The following JCAD variants were observed in gnomAD, a reference collection of about 807,000 sequenced individuals.
The protein encoded by JCAD is junctional cadherin 5 associated.
JCAD carries 40 observed loss-of-function variants against 98.0 expected under a neutral mutation model. The ratio of observed to expected loss-of-function variants is 0.41; its 90% CI spans 0.32 to 0.53. The LOEUF is 0.53. Among genes scored for constraint, JCAD ranks in the 20% least tolerant of loss-of-function variants. JCAD has a pLI of 0.31. For missense variants in JCAD, 1,705 were observed against 1,738.1 expected (o/e 0.98, Z 0.34); for synonymous variants, 691 against 682.3 (o/e 1.01, Z -0.20).
At chr10:30,073,677 C>G (rs77861160) in intron 1 of JCAD, among the ~76,000 whole-genome samples, 48 of 38,762 alleles carry the variant, frequency 1.2e-3, no homozygotes, top group Admixed American at 2.0e-3. Flanking sequence ...TTCCTTCCTT[C>G]CTTGCTTCCT....
intron 1 of JCAD, among the ~76,000 whole-genome samples, chr10:30,071,996 A>T (rs1274319448): frequency 6.6e-6 from 1 of 152,230 alleles, no homozygotes; most frequent in African/African-American, 2.4e-5. Context: ...TTATAATATT[A>T]ACCTCAGGAA....
chr10:30,092,590 C>T (rs1054061096), intron 1 of JCAD, among the ~76,000 whole-genome samples: 1 of 152,156 alleles, frequency 6.6e-6, no homozygotes. Context: ...GCAGCCCACA[C>T]GATGAGTCGC....
intron 3 of JCAD, among the ~76,000 whole-genome samples, chr10:30,022,616 T>G (rs537127204): frequency 6.6e-6 from 1 of 152,124 alleles, no homozygotes; most frequent in African/African-American, 2.4e-5. Flanking sequence ...CTGGTGACCA[T>G]CACATGAAAG....
upstream of JCAD, among the ~76,000 whole-genome samples, chr10:30,060,202 T>G (rs1478635780): frequency 2.0e-5 from 3 of 152,104 alleles, no homozygotes; most frequent in East Asian, 5.8e-4. Flanking sequence ...AGCTTGGGAT[T>G]TACTTCTTTC....
In JCAD at chr10:30,027,135, T is replaced by C; in HGVS notation, c.3013A>G (p.Ile1005Val). The C allele has an allele frequency of 6.2e-7, 1 of 1,614,166 alleles. No individual in the cohort carries two copies. The highest frequency in any genetic ancestry group is 8.5e-7 in the Non-Finnish European group (1 of 1,180,012). Reference protein sequence around the residue: ...EPREPQESPKITSAFSSVKPS... With the variant: ...EPREPQESPKVTSAFSSVKPS... ...TTCACAGAGCTGAAAGCACTGGTGA[T>C]TTTCGGACTTTCCTGGGGCTCCCTA... Residue 1005 changes from isoleucine (I) to valine (V), a missense_variant, in exon 3 of 4, where the codon ATC (isoleucine) becomes GTC (valine). By Grantham distance (29) the Ile-to-Val change is conservative. Around this residue, in one of 3 missense-constraint regions of JCAD, gnomAD observed 1,278 missense variants for 1,243.1 expected, o/e 1.03. Coordinates refer to ENST00000375377, the MANE Select transcript of JCAD (RefSeq NM_020848.4).
chr10:30,029,011 C>T lies in JCAD; in HGVS notation c.1137G>A (p.Lys379=), dbSNP rs1349281978. The T allele has an allele frequency of 6.2e-7, 1 of 1,614,092 alleles. No homozygotes were observed. Among genetic ancestry groups the T allele is most frequent in the Non-Finnish European group, 8.5e-7 (1 of 1,180,028 alleles). Reference sequence around the variant, plus strand: ...AAGGAGGCTGACCGCTGGCCCCAGCCTTCTCGGTCGGAGACTGCTGTTGAC... The same window carrying T: ...AAGGAGGCTGACCGCTGGCCCCAGCTTTCTCGGTCGGAGACTGCTGTTGAC... ...GHSQQQSPTE[K]AGASGQPPSG... Residue 379 remains lysine, a synonymous_variant, in exon 3 of 4, where the codon AAG becomes AAA. Coordinates refer to ENST00000375377, the MANE Select transcript of JCAD (RefSeq NM_020848.4).
In JCAD at chr10:30,029,469, C is replaced by T; in HGVS notation, c.679G>A (p.Gly227Arg). 1 of 1,614,152 alleles carries T rather than the reference C, an allele frequency of 6.2e-7. No homozygotes were observed. Among genetic ancestry groups the T allele is most frequent in the South Asian group, 1.1e-5 (1 of 91,066 alleles). ...ACTCTAGGCAGTGAGCGAGACTTCC[C>T]TTTGTTTTGAGAATTCAACACATGT... The part of the protein sequence containing the change: ...GEHVLNSQNK[G>R]KSRSLPRVLS... The change falls in exon 3 of 4, where the codon GGG becomes AGG. Residue 227 changes from glycine (G) to arginine (R), a missense_variant. Gly to Arg is a moderately radical substitution (Grantham distance 125, BLOSUM62 -2). Around this residue, in one of 3 missense-constraint regions of JCAD, gnomAD observed 275 missense variants for 346.9 expected, o/e 0.79. Coordinates refer to ENST00000375377, the MANE Select transcript of JCAD (RefSeq NM_020848.4).
In JCAD at chr10:30,028,069, G is replaced by A. The variant is rs776466445; in HGVS notation, c.2079C>T (p.Thr693=). 2.5e-6 allele frequency: 4 copies of A among 1,614,264 alleles called. No individual in the cohort carries two copies. In the East Asian group the frequency reaches 6.7e-5, roughly 27 times the overall value. The change falls in exon 3 of 4, where the codon ACC becomes ACT. Residue 693 remains threonine, a synonymous_variant. Coordinates refer to ENST00000375377, the MANE Select transcript of JCAD (RefSeq NM_020848.4). The stretch of plus-strand genomic sequence containing the variant: ...AACTTTGGGGCTCCTCGGAGAAACT[G>A]GTTTGTGTTTGCTGATCTCTGTACC... ...GHRYRDQQTQ[T]SFSEEPQSSQ... is the part of the protein sequence containing the mutation.
At position 30,103,662 on chromosome 10, in the gene JCAD, C is replaced by T. The variant is rs535115323; in HGVS notation, n.128+11705G>A. ...CACACTCACAGCCAGTTCTTTTGAT[C>T]CCAAATAAGCCCTTTCTCTATTGCT... On this transcript the variant is annotated intron_variant and non_coding_transcript_variant, in intron 1 of 2. Coordinates refer to the JCAD transcript ENST00000465712. 8.6e-5 allele frequency among the ~76,000 whole-genome samples: 13 copies of T among 151,880 alleles called. No individual in the cohort carries two copies. The South Asian group carries it at 2.7e-3, about 32-fold the overall frequency.
intron 3 of JCAD, chr10:30,025,887 T>C: frequency 3.3e-6 from 2 of 608,732 alleles, no homozygotes; most frequent in Admixed American, 6.0e-5. Flanking sequence ...TGAGATACTA[T>C]CTCAAAAAAA....
intron 1 of JCAD, among the ~76,000 whole-genome samples, chr10:30,097,174 A>G (rs1031926482): frequency 1.3e-5 from 2 of 152,240 alleles, no homozygotes; most frequent in Non-Finnish European, 2.9e-5. Flanking sequence ...GGCACTGGCC[A>G]CGTGCAGCTA....
intron 1 of JCAD, among the ~76,000 whole-genome samples, chr10:30,053,934 C>A (rs571314928): frequency 6.6e-6 from 1 of 152,032 alleles, no homozygotes; most frequent in African/African-American, 2.4e-5. Flanking sequence ...TAGTGGCATG[C>A]GCCTGTAGTC....
chr10:30,061,731 CTTT>C (rs72058801), upstream of JCAD, among the ~76,000 whole-genome samples: 2 of 142,020 alleles, frequency 1.4e-5, no homozygotes, highest in Admixed American at 7.1e-5. Context: ...GAAATGCAGA[CTTT>C]TTTTTTTTTT....
chr10:30,030,518 C>T (rs920831820), intron 2 of JCAD, among the ~76,000 whole-genome samples: 3 of 152,164 alleles, frequency 2.0e-5, no homozygotes, highest in Admixed American at 1.3e-4. Context: ...GGACCACTTG[C>T]AGCATATTGC....
chr10:30,047,963 A>G, intron 1 of JCAD, 92 bp from the exon 2 acceptor site: 1 of 707,408 alleles, frequency 1.4e-6, no homozygotes, highest in Non-Finnish European at 2.3e-6. Context: ...ACCAAACCAG[A>G]CCATGGCGAT....
intron 1 of JCAD, among the ~76,000 whole-genome samples, chr10:30,100,897 T>A (rs2505126): frequency 0.31 from 47,044 of 152,130 alleles, 9,168 homozygotes; most frequent in Non-Finnish European, 0.43. Flanking sequence ...TGTTCATTGG[T>A]TCAGCCAGAG....
chr10:30,078,213 T>C (rs1193235273), intron 1 of JCAD, among the ~76,000 whole-genome samples: 1 of 152,236 alleles, frequency 6.6e-6, no homozygotes, highest in Non-Finnish European at 1.5e-5. Context: ...TCCAGTAGTT[T>C]CTCTTGTTCA....
intron 1 of JCAD, among the ~76,000 whole-genome samples, chr10:30,053,433 C>T (rs1837508069): frequency 6.6e-6 from 1 of 151,796 alleles, no homozygotes; most frequent in Admixed American, 6.6e-5. Context: ...TGGTGGCGCT[C>T]ACCTGTAGTC....
At chr10:30,112,850 C>G (rs182100396) in intron 1 of JCAD, among the ~76,000 whole-genome samples, 1 of 115,166 alleles carries the variant, frequency 8.7e-6, no homozygotes, top group East Asian at 2.4e-4. Flanking sequence ...CCAGCCTGGG[C>G]AAAAGAGCGA....
Sources: allele counts gnomAD v4.1 joint callset (sites outside exome capture counted in the v4.1 genomes callset), GRCh38; gene constraint gnomAD v4.1.1; regional missense constraint gnomAD v4.1.1; transcripts MANE v1.5; gene names NCBI Gene and HGNC (gene_info 2026-07-23, HGNC 2026-07-21).